ANKRD36: variants seen among roughly 807,000 people sequenced by gnomAD.
ANKRD36 encodes ankyrin repeat domain 36, also known as ankyrin repeat domain-containing protein 36A.
ANKRD36 carries 179 observed loss-of-function variants against 278.1 expected under a neutral mutation model. The observed-to-expected ratio is 0.64, with a 90% CI of 0.57 to 0.73. The LOEUF is 0.73. Among genes scored for constraint, ANKRD36 ranks in the 30% least tolerant of loss-of-function variants. The probability of loss-of-function intolerance (pLI) is 0.00; values close to 1 mark genes in which losing one functional copy is unlikely to be tolerated. For missense variants in ANKRD36, 1,159 were observed against 1,956.7 expected (o/e 0.59, Z 7.69); for synonymous variants, 320 against 641.1 (o/e 0.50, Z 7.57).
At chr2:97,176,680 G>A (rs1009845368) in intron 22 of ANKRD36, among the ~76,000 whole-genome samples, 1 of 150,760 alleles carries the variant, frequency 6.6e-6, no homozygotes, top group Non-Finnish European at 1.5e-5. Flanking sequence ...GATGTTAGCT[G>A]GTTATTTTGC....
Position 97,137,108 on chromosome 2 carries a change from T to A in ANKRD36, c.800-5532T>A, listed in dbSNP as rs1432055330. Among the ~76,000 whole-genome samples, 6 of 152,008 alleles carry A rather than the reference T, an allele frequency of 3.9e-5. 1 individual carries two copies. The highest frequency in any genetic ancestry group is 5.9e-5 in the Non-Finnish European group (4 of 68,014). The stretch of plus-strand genomic sequence containing the variant: ...GTAATAAAGCATCAAAGTCTTATAC[T>A]TTTTTTCCTACAAGGTCTAAGGCAT... On this transcript the variant is annotated intron_variant, in intron 6 of 75. Transcript: ENST00000420699.
Position 97,202,231 on chromosome 2 carries a change from G to A in ANKRD36, c.2886+1G>A. The A allele has an allele frequency of 6.2e-7, 1 of 1,609,374 alleles. No individual in the cohort carries two copies. The highest frequency in any genetic ancestry group is 1.3e-5 in the African/African-American group (1 of 74,844). On this transcript the variant is annotated splice_donor_variant, in intron 47 of 75. Coordinates refer to ENST00000420699, the MANE Select transcript of ANKRD36 (RefSeq NM_001354587.1). LOFTEE classifies it high-confidence loss of function. ...TTCTCAGAAACCACCAGCCTTGAAG[G>A]TAATGAAACTCCCATTTATCTTGTG...
At chr2:97,175,954 C>T (rs2054115732) in intron 22 of ANKRD36, among the ~76,000 whole-genome samples, 1 of 151,818 alleles carries the variant, frequency 6.6e-6, no homozygotes, top group African/African-American at 2.4e-5. Context: ...ATTCTTAATC[C>T]TGAATTCTAG....
At chr2:97,227,138 A>G (rs1432934703) in intron 67 of ANKRD36, among the ~76,000 whole-genome samples, 1 of 152,120 alleles carries the variant, frequency 6.6e-6, no homozygotes, top group African/African-American at 2.4e-5. Flanking sequence ...TGAACTTTAA[A>G]GTAGTTTTTT....
chr2:97,195,554 A>T (rs1575646524), intron 40 of ANKRD36, among the ~76,000 whole-genome samples: 1 of 151,916 alleles, frequency 6.6e-6, no homozygotes, highest in South Asian at 2.1e-4. Context: ...GCATAAAAAC[A>T]AAATGACTCA....
chr2:97,176,668 A>AC (rs2054348478), intron 22 of ANKRD36, among the ~76,000 whole-genome samples: 1 of 150,038 alleles, frequency 6.7e-6, no homozygotes, highest in Non-Finnish European at 1.5e-5. Context: ...TCCTGTCATT[A>AC]CGATGTTAGC....
intron 9 of ANKRD36, 39 bp from the exon 10 acceptor site, chr2:97,144,601 A>G: frequency 1.3e-6 from 2 of 1,561,918 alleles, no homozygotes; most frequent in Non-Finnish European, 1.7e-6. Flanking sequence ...TATGGAATAT[A>G]CTGTAGGTAT....
rs1186817008 is a variant in ANKRD36, at chr2:97,122,925, A to G, written c.525A>G (p.Arg175=). 11 of 1,544,670 alleles carry G rather than the reference A, an allele frequency of 7.1e-6. No homozygotes were observed. In the Admixed American group the frequency reaches 1.0e-4, roughly 14 times the overall value. Reference sequence around the variant, plus strand: ...CACTGTTATTTGCTGTGAGTCGAAGAAAAGTGAAAATGGTGGAATTTTTAT... The same window carrying G: ...CACTGTTATTTGCTGTGAGTCGAAGGAAAGTGAAAATGGTGGAATTTTTAT... ...YQPLLFAVSR[R]KVKMVEFLLK... is the part of the protein sequence containing the mutation. Residue 175 remains arginine, a synonymous_variant, in exon 4 of 76, where the codon AGA becomes AGG. Coordinates refer to ENST00000420699, the MANE Select transcript of ANKRD36 (RefSeq NM_001354587.1).
chr2:97,211,178 C>A (rs1398503887), intron 56 of ANKRD36, among the ~76,000 whole-genome samples: 2 of 151,866 alleles, frequency 1.3e-5, no homozygotes, highest in African/African-American at 4.8e-5. Flanking sequence ...GCATGAAAGA[C>A]ATGTGGGATC....
intron 6 of ANKRD36, among the ~76,000 whole-genome samples, chr2:97,135,311 CTA>C (rs1407009150): frequency 2.0e-5 from 3 of 151,450 alleles, no homozygotes; most frequent in African/African-American, 7.3e-5. Flanking sequence ...GTGCTGAACT[CTA>C]TGTGTACAAT....
chr2:97,260,373 T>TATATATATATATATAC (rs1439298054), intron 75 of ANKRD36, among the ~76,000 whole-genome samples: 1 of 127,766 alleles, frequency 7.8e-6, no homozygotes, highest in African/African-American at 3.2e-5. Flanking sequence ...TATATATATA[T>TATATATATATATATAC]ATATATACAC....
chr2:97,210,087 G>T (rs2063995016), intron 56 of ANKRD36, among the ~76,000 whole-genome samples: 1 of 151,850 alleles, frequency 6.6e-6, no homozygotes, highest in South Asian at 2.1e-4. Flanking sequence ...CATTGAAATT[G>T]GGAAGAAGAA....
chr2:97,219,596 C>G (rs546130162), intron 66 of ANKRD36, among the ~76,000 whole-genome samples: 7,683 of 145,582 alleles, frequency 0.053, 697 homozygotes, highest in African/African-American at 0.19. Flanking sequence ...ATTCTCTTGC[C>G]TCAGCCTCCC....
chr2:97,176,624 C>G (rs1260498492), intron 22 of ANKRD36, among the ~76,000 whole-genome samples: 3 of 149,146 alleles, frequency 2.0e-5, no homozygotes, highest in Non-Finnish European at 4.5e-5. Context: ...AGTCCATTTA[C>G]ATTTAAAGTT....
chr2:97,178,608 C>T (rs2055106550), intron 22 of ANKRD36, among the ~76,000 whole-genome samples: 1 of 144,044 alleles, frequency 6.9e-6, no homozygotes, highest in African/African-American at 2.6e-5. Context: ...TATTCTCACT[C>T]ATAGGTGGGA....
intron 50 of ANKRD36, among the ~76,000 whole-genome samples, chr2:97,205,397 A>G (rs1328689955): frequency 6.6e-6 from 1 of 151,580 alleles, no homozygotes; most frequent in Admixed American, 6.6e-5. Context: ...GGTATCAGCA[A>G]AGAGGTATCC....
At chr2:97,213,267 T>A in intron 58 of ANKRD36, 152 bp from the exon 59 acceptor site, 1 of 272,052 alleles carries the variant, frequency 3.7e-6, no homozygotes, top group Non-Finnish European at 6.5e-6. Flanking sequence ...TGTATTTCTG[T>A]CATATTCCAG....
At chr2:97,167,147 G>A (rs10427234) in intron 20 of ANKRD36, among the ~76,000 whole-genome samples, 7 of 150,434 alleles carry the variant, frequency 4.7e-5, no homozygotes, top group African/African-American at 7.4e-5. Flanking sequence ...CACCAGAAGC[G>A]TGCATGACTG....
At chr2:97,173,750 C>T (rs1161802610) in intron 22 of ANKRD36, among the ~76,000 whole-genome samples, 3 of 151,624 alleles carry the variant, frequency 2.0e-5, no homozygotes, top group African/African-American at 4.8e-5. Flanking sequence ...TGTGGGAAGT[C>T]GCTTAATGGA....
Sources: allele counts gnomAD v4.1 joint callset (sites outside exome capture counted in the v4.1 genomes callset), GRCh38; gene constraint gnomAD v4.1.1; transcripts MANE v1.5; gene names NCBI Gene and HGNC (gene_info 2026-07-23, HGNC 2026-07-21).